The following PPP2R2C variants were observed in gnomAD, a reference collection of about 807,000 sequenced individuals.
PPP2R2C encodes protein phosphatase 2 regulatory subunit Bgamma.
A neutral mutation model predicts 45.3 loss-of-function variants in PPP2R2C; 10 were observed. The observed-to-expected ratio is 0.22, with a 90% CI of 0.14 to 0.37. The LOEUF (loss-of-function observed/expected upper bound fraction) is 0.37. Among genes scored for constraint, PPP2R2C ranks in the 10% least tolerant of loss-of-function variants. PPP2R2C has a pLI of 1.00. For missense variants in PPP2R2C, 308 were observed against 619.7 expected, an observed-to-expected ratio of 0.50 and a Z score of 5.34; for synonymous variants, 257 against 245.4, an observed-to-expected ratio of 1.05 and a Z score of -0.44.
intron 5 of PPP2R2C, among the ~76,000 whole-genome samples, chr4:6,354,374 C>T (rs555759567): frequency 6.6e-6 from 1 of 152,208 alleles, no homozygotes; most frequent in South Asian, 2.1e-4. Context: ...GCCTGAACAC[C>T]AAGGCAAGGC....
chr4:6,344,680 A>G (rs1216054873), intron 6 of PPP2R2C, among the ~76,000 whole-genome samples: 1 of 152,212 alleles, frequency 6.6e-6, no homozygotes, highest in Non-Finnish European at 1.5e-5. Flanking sequence ...AAAATATTCC[A>G]TCAGTTTCTT....
At chr4:6,562,467 TC>T (rs1358207183) in intron 1 of PPP2R2C, among the ~76,000 whole-genome samples, 5 of 26,746 alleles carry the variant, frequency 1.9e-4, no homozygotes, top group African/African-American at 3.2e-4. Flanking sequence ...TTCAACGGAG[TC>T]GGGGGGGGGG....
intron 2 of PPP2R2C, among the ~76,000 whole-genome samples, chr4:6,510,473 A>T (rs747855982): frequency 2.0e-5 from 3 of 152,092 alleles, no homozygotes; most frequent in African/African-American, 7.2e-5. Flanking sequence ...TAACTTCTTC[A>T]TGGTGCTTAT....
chr4:6,433,901 C>T (rs2109414922), intron 1 of PPP2R2C, among the ~76,000 whole-genome samples: 1 of 152,326 alleles, frequency 6.6e-6, no homozygotes, highest in East Asian at 1.9e-4. Context: ...ACAACCTAAG[C>T]TGTGCAGCCT....
chr4:6,503,378 C>A (rs1030749502), intron 2 of PPP2R2C, among the ~76,000 whole-genome samples: 1 of 152,252 alleles, frequency 6.6e-6, no homozygotes, highest in African/African-American at 2.4e-5. Context: ...CCCTGCCCAG[C>A]CAGTTTTCAG....
chr4:6,549,226 C>A (rs570472092), intron 1 of PPP2R2C, among the ~76,000 whole-genome samples: 3 of 152,132 alleles, frequency 2.0e-5, no homozygotes, highest in Non-Finnish European at 4.4e-5. Context: ...GGCAGACTGA[C>A]GCTGTAAAAA....
At chr4:6,336,121 A>G (rs1259207125) in intron 6 of PPP2R2C, among the ~76,000 whole-genome samples, 1 of 152,110 alleles carries the variant, frequency 6.6e-6, no homozygotes, top group African/African-American at 2.4e-5. Context: ...ATATTTTGGA[A>G]TTAGAATGCT....
chr4:6,512,598 G>T (rs1244470124), intron 2 of PPP2R2C, among the ~76,000 whole-genome samples: 3 of 141,388 alleles, frequency 2.1e-5, no homozygotes, highest in Non-Finnish European at 4.7e-5. Context: ...TGGTGATGGT[G>T]GTGGTGGTGA....
chr4:6,475,822 C>G (rs1722124497), upstream of PPP2R2C, among the ~76,000 whole-genome samples: 7 of 152,356 alleles, frequency 4.6e-5, no homozygotes, highest in South Asian at 1.4e-3. Flanking sequence ...ACCATGTCCC[C>G]TCAAGTGCAC....
chr4:6,404,812 G>A (rs1160699873), intron 1 of PPP2R2C, among the ~76,000 whole-genome samples: 2 of 152,212 alleles, frequency 1.3e-5, no homozygotes, highest in Non-Finnish European at 2.9e-5. Context: ...GAGATTCTGA[G>A]ACACAACGGG....
chr4:6,408,646 T>C (rs1371945550), intron 1 of PPP2R2C, among the ~76,000 whole-genome samples: 1 of 152,064 alleles, frequency 6.6e-6, no homozygotes, highest in Non-Finnish European at 1.5e-5. Context: ...AGTATTTGGA[T>C]TCCTTGGCCC....
At chr4:6,493,840 C>A (rs1456673634) in intron 2 of PPP2R2C, among the ~76,000 whole-genome samples, 2 of 152,150 alleles carry the variant, frequency 1.3e-5, no homozygotes, top group Non-Finnish European at 2.9e-5. Context: ...TAGTCGGGAG[C>A]CGTAGCTTTA....
At chr4:6,388,861 C>T (rs1021390566) in intron 1 of PPP2R2C, among the ~76,000 whole-genome samples, 15 of 152,292 alleles carry the variant, frequency 9.8e-5, no homozygotes, top group African/African-American at 3.1e-4. Flanking sequence ...TTTTAAGCCA[C>T]GCAGTTTGTA....
intron 2 of PPP2R2C, among the ~76,000 whole-genome samples, chr4:6,485,676 C>T (rs1366466199): frequency 1.3e-5 from 2 of 151,742 alleles, no homozygotes; most frequent in Admixed American, 1.3e-4. Flanking sequence ...ATTATCTTCC[C>T]TTATTGTTAT....
At chr4:6,420,321 T>TGA (rs1339147315) in intron 1 of PPP2R2C, among the ~76,000 whole-genome samples, 1 of 150,032 alleles carries the variant, frequency 6.7e-6, no homozygotes, top group East Asian at 1.9e-4. Flanking sequence ...GTGATAAAGG[T>TGA]GAGAATAAGA....
chr4:6,423,241 T>C, intron 1 of PPP2R2C, among the ~76,000 whole-genome samples: 1 of 152,268 alleles, frequency 6.6e-6, no homozygotes, highest in Non-Finnish European at 1.5e-5. Context: ...TCTCACTCTG[T>C]CACCCAGGCT....
chr4:6,396,304 C>T (rs1181243073), intron 1 of PPP2R2C, among the ~76,000 whole-genome samples: 1 of 152,210 alleles, frequency 6.6e-6, no homozygotes. Flanking sequence ...GACGGAGCTG[C>T]AGTCAGGCCA....
In PPP2R2C at chr4:6,421,238, G is replaced by T. The variant is rs148970344; in HGVS notation, c.71-40144C>A. On this transcript the variant is annotated intron_variant, in intron 1 of 8. Coordinates refer to ENST00000382599, the MANE Select transcript of PPP2R2C (RefSeq NM_020416.4). ...GAGCCAATGCCACAAAGGAGTCAGG[G>T]CTGTGCATTCAATCATGGTCGCACT... is the stretch of plus-strand genomic sequence containing the variant. 10 of 600,136 alleles carry T rather than the reference G, an allele frequency of 1.7e-5. No individual in the cohort carries two copies. The East Asian group carries it at 1.3e-3, about 76-fold the overall frequency. The allele number at this position is 600,136 out of a possible 1,614,324, so 37.2% of individuals were successfully genotyped here.
chr4:6,441,108 T>C (rs1720127884), intron 1 of PPP2R2C, among the ~76,000 whole-genome samples: 1 of 151,976 alleles, frequency 6.6e-6, no homozygotes, highest in Non-Finnish European at 1.5e-5. Flanking sequence ...TCCAGTAACC[T>C]CCAGCTCTGC....
Sources: allele counts gnomAD v4.1 joint callset (sites outside exome capture counted in the v4.1 genomes callset), GRCh38; gene constraint gnomAD v4.1.1; transcripts MANE v1.5; gene names NCBI Gene and HGNC (gene_info 2026-07-23, HGNC 2026-07-21).